KLK15: variants seen among roughly 807,000 people sequenced by gnomAD.
The protein encoded by KLK15 is kallikrein related peptidase 15, also known as kallikrein-15.
A neutral mutation model predicts 21.1 loss-of-function variants in KLK15; 19 were observed. The observed-to-expected ratio is 0.90, with a 90% CI of 0.63 to 1.32. KLK15 has a LOEUF of 1.32. KLK15 is among the 40% of genes most tolerant of loss of function. KLK15 has a pLI of 0.00. For missense variants in KLK15, 345 were observed against 348.6 expected, an observed-to-expected ratio of 0.99 and a Z score of 0.08; for synonymous variants, 141 against 141.5, an observed-to-expected ratio of 1.00 and a Z score of 0.03.
At chr19:50,826,855 TC>T (rs764716719) in intron 3 of KLK15, 22 bp downstream of exon 4, 15 of 1,554,238 alleles carry the variant, frequency 9.7e-6, no homozygotes, top group Non-Finnish European at 1.2e-5. Flanking sequence ...AGGCCTCGCA[TC>T]CAGCTCCATC....
chr19:50,827,072 G>A (rs1394771794), exon 3 of KLK15: 6 of 1,606,358 alleles, frequency 3.7e-6, no homozygotes, highest in Non-Finnish European at 5.1e-6. Context: ...TTCGTAGCGC[G>A]GGTGTGGAAT....
upstream of KLK15, among the ~76,000 whole-genome samples, chr19:50,832,322 CTTTTTTTTT>C (rs773163899): frequency 7.3e-5 from 8 of 109,440 alleles, no homozygotes; most frequent in Admixed American, 4.1e-4. Context: ...CTTTTTTTTT[CTTTTTTTTT>C]TTTTTTTTTG....
At chr19:50,831,897 C>T (rs2089993841), upstream of KLK15, among the ~76,000 whole-genome samples, 2 of 151,988 alleles carry the variant, frequency 1.3e-5, no homozygotes, top group Non-Finnish European at 2.9e-5. Context: ...CTGCAAGCTC[C>T]ACCTCCCAGG....
chr19:50,830,843 T>C (rs1370357287), intron 1 of KLK15, among the ~76,000 whole-genome samples: 2 of 151,878 alleles, frequency 1.3e-5, no homozygotes, highest in Admixed American at 6.6e-5. Context: ...CCACCACACA[T>C]AGACGTTGTA....
chr19:50,825,835 G>C, exon 5 of KLK15: 2 of 1,614,056 alleles, frequency 1.2e-6, no homozygotes, highest in Non-Finnish European at 1.7e-6. Context: ...ACTCCAAGTA[G>C]TGGCAGACTT....
In KLK15 at chr19:50,826,862, C is replaced by T. The variant is rs769749425; in HGVS notation, c.481+16G>A. ...ATTCCTTGAGGCCTCGCATCCAGCT[C>T]CATCCTTTCACGCACCTTGTGACCG... is the stretch of plus-strand genomic sequence containing the variant. On this transcript the variant is annotated intron_variant, in intron 3 of 4. Transcript: ENST00000598239. 9.6e-6 allele frequency: 15 copies of T among 1,557,332 alleles called. No individual in the cohort carries two copies. The South Asian group carries it at 1.6e-4, about 17-fold the overall frequency.
chr19:50,826,649 G>A, exon 4 of KLK15: 1 of 1,608,984 alleles, frequency 6.2e-7, no homozygotes, highest in Non-Finnish European at 8.5e-7. Flanking sequence ...TCTGCCCTCC[G>A]CGCCTGCACA....
chr19:50,831,728 G>T (rs929316069), upstream of KLK15, among the ~76,000 whole-genome samples: 5 of 151,934 alleles, frequency 3.3e-5, no homozygotes, highest in African/African-American at 1.2e-4. Flanking sequence ...GACAGACCCT[G>T]CCCCACCTCC....
chr19:50,826,142 A>G lies in KLK15; in HGVS notation c.619-194T>C, dbSNP rs2089875838. 1.4e-5 allele frequency: 8 copies of G among 572,932 alleles called. No individual in the cohort carries two copies. The Admixed American group carries it at 2.6e-4, about 18-fold the overall frequency. The allele number at this position is 572,932 out of a possible 1,614,324, so 35.5% of individuals were successfully genotyped here. On this transcript the variant is annotated intron_variant, in intron 4 of 4. Coordinates refer to ENST00000598239, the Ensembl canonical transcript of KLK15. ...CCCAACCCCAACCCCAATTCAACAC[A>G]GCTCAATACAACTCACCCAACCTAT...
intron 4 of KLK15, 65 bp from the exon 6 acceptor site, chr19:50,826,013 C>A (rs1305316294): frequency 2.0e-6 from 3 of 1,500,684 alleles, no homozygotes; most frequent in Admixed American, 1.9e-5. Context: ...ATCCTAATCA[C>A]CATTTGCAAT....
downstream of KLK15, chr19:50,825,613 T>G (rs917479566): frequency 4.4e-5 from 23 of 524,262 alleles, no homozygotes; most frequent in Non-Finnish European, 7.6e-5. Context: ...TTTGTTATCT[T>G]GGCATTAAAC....
At chr19:50,830,119 T>C (rs1303918297) in intron 1 of KLK15, among the ~76,000 whole-genome samples, 7 of 151,124 alleles carry the variant, frequency 4.6e-5, no homozygotes, top group Non-Finnish European at 7.4e-5. Context: ...GGAGAGGATG[T>C]GAACATACAG....
intron 2 of KLK15, 33 bp from the exon 4 acceptor site, chr19:50,827,194 G>GT: frequency 6.5e-7 from 1 of 1,549,278 alleles, no homozygotes; most frequent in Non-Finnish European, 8.7e-7. Flanking sequence ...CGCCAGTGGA[G>GT]TGCGGGCCAG....
At chr19:50,826,499 C>T (rs2089881248) in intron 4 of KLK15, 122 bp downstream of exon 5, 1 of 1,214,718 alleles carries the variant, frequency 8.2e-7, no homozygotes, top group Non-Finnish European at 1.1e-6. Flanking sequence ...CTTCCTACTC[C>T]ATCTCCAAGC....
upstream of KLK15, chr19:50,831,631 C>A (rs138258426): frequency 1.3e-3 from 804 of 597,708 alleles, 5 homozygotes; most frequent in African/African-American, 0.014. Flanking sequence ...TTCTTCTGAC[C>A]ACCGGTATCC....
At chr19:50,829,885 A>G (rs1284736136) in intron 1 of KLK15, among the ~76,000 whole-genome samples, 1 of 151,682 alleles carries the variant, frequency 6.6e-6, no homozygotes, top group Non-Finnish European at 1.5e-5. Context: ...CATTTTGTAG[A>G]GTTAGAGCTG....
At chr19:50,825,903 T>C in exon 5 of KLK15, 3 of 1,613,970 alleles carry the variant, frequency 1.9e-6, no homozygotes, top group Middle Eastern at 1.7e-4. Context: ...CAGGACACAA[T>C]GCCCTGCAGG....
In KLK15 at chr19:50,830,186, C is replaced by G. The variant is rs113517074; in HGVS notation, c.43+1264G>C. On this transcript the variant is annotated intron_variant, in intron 1 of 4. Coordinates refer to ENST00000598239, the Ensembl canonical transcript of KLK15. The stretch of plus-strand genomic sequence containing the variant: ...ACACACACACACACACACACACACA[C>G]AGAATGGCATTATGCTTAAGGACAT... Among the ~76,000 whole-genome samples, 544 of 151,342 alleles carry G rather than the reference C, an allele frequency of 3.6e-3. 12 individuals carry two copies. The East Asian group carries it at 0.04, about 11-fold the overall frequency.
At chr19:50,826,812 C>T in intron 3 of KLK15, 55 bp from the exon 5 acceptor site, 1 of 1,580,356 alleles carries the variant, frequency 6.3e-7, no homozygotes, top group Non-Finnish European at 8.6e-7. Context: ...CTTGTCCCCT[C>T]CGCCCAAGAG....
Sources: gnomAD v4.1 joint callset for allele counts (sites outside exome capture counted in the v4.1 genomes callset) on GRCh38, gnomAD v4.1.1 for gene constraint, MANE v1.5 for transcripts, NCBI Gene and HGNC (gene_info 2026-07-23, HGNC 2026-07-21) for gene names.